DLGAP1: variants seen among roughly 807,000 people sequenced by gnomAD.
The protein encoded by DLGAP1 is DLG associated protein 1.
Under a neutral mutation model 90.8 loss-of-function variants are expected in DLGAP1, and 11 were observed. The ratio of observed to expected loss-of-function variants is 0.12; its 90% CI spans 0.08 to 0.20. The LOEUF (loss-of-function observed/expected upper bound fraction) is 0.20. DLGAP1 is among the 10% of genes least tolerant of loss of function. The pLI, the probability that DLGAP1 is intolerant of heterozygous loss-of-function variation, is 1.00. For missense variants in DLGAP1, 1,050 were observed against 1,333.8 expected, an observed-to-expected ratio of 0.79 and a Z score of 3.31; for synonymous variants, 558 against 540.7, an observed-to-expected ratio of 1.03 and a Z score of -0.44.
chr18:3,587,780 C>T (rs1341352187), intron 7 of DLGAP1, among the ~76,000 whole-genome samples: 3 of 152,070 alleles, frequency 2.0e-5, no homozygotes, highest in African/African-American at 4.8e-5. Context: ...CAAACAACTC[C>T]GCACACACCA....
chr18:3,569,142 C>T (rs926738056), intron 8 of DLGAP1, among the ~76,000 whole-genome samples: 2 of 151,626 alleles, frequency 1.3e-5, no homozygotes, highest in Non-Finnish European at 1.5e-5. Flanking sequence ...GCTGAAATTA[C>T]AGACGCGTGC....
In DLGAP1 at chr18:3,551,182, T is replaced by C. The variant is rs373453412; in HGVS notation, c.2057+16308A>G. Among the ~76,000 whole-genome samples the C allele has an allele frequency of 2.1e-3, 7 of 3,368 alleles. 2 individuals carry two copies. The highest frequency in any genetic ancestry group is 0.023 in the East Asian group (1 of 44). The allele number at this position is 3,368 out of a possible 152,430, so 2.2% of individuals were successfully genotyped here. A position where few individuals can be genotyped will look rare whatever the true frequency, so the allele number is the denominator to read the frequency against. On this transcript the variant is annotated intron_variant, in intron 9 of 12. Transcript: ENST00000315677. ...ACATATATATATATATATATACACA[T>C]ACATATAAATGCTTTTTTTCTGAAA...
chr18:4,297,521 C>T (rs1468516956), intron 1 of DLGAP1, among the ~76,000 whole-genome samples: 1 of 151,970 alleles, frequency 6.6e-6, no homozygotes, highest in Non-Finnish European at 1.5e-5. Context: ...AACAATTGTC[C>T]CTGGTTATTT....
intron 2 of DLGAP1, among the ~76,000 whole-genome samples, chr18:4,067,026 G>A (rs2075379766): frequency 6.6e-6 from 1 of 152,064 alleles, no homozygotes; most frequent in Non-Finnish European, 1.5e-5. Context: ...TCCTTTGCAG[G>A]GACGTGGACG....
intron 11 of DLGAP1, among the ~76,000 whole-genome samples, chr18:3,504,679 C>G (rs980040452): frequency 6.6e-6 from 1 of 152,058 alleles, no homozygotes; most frequent in Non-Finnish European, 1.5e-5. Flanking sequence ...CACTTCGCCC[C>G]GCCAGTGTTT....
chr18:3,736,999 G>A (rs1317152747), intron 6 of DLGAP1, among the ~76,000 whole-genome samples: 13 of 148,086 alleles, frequency 8.8e-5, no homozygotes, highest in Admixed American at 8.2e-4. Flanking sequence ...ACACCTCTAC[G>A]CAAATAAACT....
chr18:4,090,113 A>G (rs1390283283), intron 2 of DLGAP1, among the ~76,000 whole-genome samples: 1 of 152,222 alleles, frequency 6.6e-6, no homozygotes, highest in Non-Finnish European at 1.5e-5. Context: ...TAGATTAAAG[A>G]CTTAAATGTA....
intron 2 of DLGAP1, among the ~76,000 whole-genome samples, chr18:4,006,461 G>A (rs2074302434): frequency 1.3e-5 from 2 of 152,078 alleles, no homozygotes; most frequent in South Asian, 2.1e-4. Context: ...TCTCACCAAC[G>A]AGTATAAAGT....
At chr18:3,628,116 T>G (rs1177678565) in intron 7 of DLGAP1, among the ~76,000 whole-genome samples, 1 of 151,762 alleles carries the variant, frequency 6.6e-6, no homozygotes, top group Non-Finnish European at 1.5e-5. Context: ...CCTCAAGTGG[T>G]CCACCCGCCT....
intron 2 of DLGAP1, among the ~76,000 whole-genome samples, chr18:4,045,465 A>AAAAAAAAAAAAAAAAAAG (rs2075038289): frequency 1.5e-5 from 2 of 130,266 alleles, no homozygotes; most frequent in African/African-American, 5.7e-5. Flanking sequence ...AAAAAAAAAA[A>AAAAAAAAAAAAAAAAAAG]GCTTGCCCCT....
intron 1 of DLGAP1, among the ~76,000 whole-genome samples, chr18:4,244,021 CTTT>C (rs544083035): frequency 3.6e-4 from 55 of 151,600 alleles, no homozygotes; most frequent in African/African-American, 1.2e-3. Context: ...CTTTCTTGCT[CTTT>C]TTTTTTCTGT....
chr18:4,247,935 A>G (rs566370695), intron 1 of DLGAP1, among the ~76,000 whole-genome samples: 10 of 152,272 alleles, frequency 6.6e-5, no homozygotes, highest in African/African-American at 2.2e-4. Context: ...TCAAATTCCC[A>G]CTATCTGAGA....
At chr18:3,533,946 A>G (rs369443821) in intron 10 of DLGAP1, among the ~76,000 whole-genome samples, 7 of 152,128 alleles carry the variant, frequency 4.6e-5, no homozygotes, top group African/African-American at 1.4e-4. Flanking sequence ...TTTCAGAAAG[A>G]AAAAGAACGT....
At chr18:4,204,044 T>C (rs1396369318) in intron 1 of DLGAP1, among the ~76,000 whole-genome samples, 1 of 152,174 alleles carries the variant, frequency 6.6e-6, no homozygotes, top group Non-Finnish European at 1.5e-5. Flanking sequence ...GTCCATAATT[T>C]TAAATCTGGT....
At chr18:3,600,839 T>TATATAGATATATAGATATATATAG (rs1555695550) in intron 7 of DLGAP1, among the ~76,000 whole-genome samples, 1 of 96,178 alleles carries the variant, frequency 1.0e-5, no homozygotes, top group African/African-American at 5.3e-5. Context: ...TATATATAGA[T>TATATAGATATATAGATATATATAG]ATATATAGAT....
intron 7 of DLGAP1, among the ~76,000 whole-genome samples, chr18:3,694,939 G>GT (rs1219198458): frequency 0.072 from 8,993 of 125,222 alleles, 466 homozygotes; most frequent in Non-Finnish European, 0.11. Context: ...TGTTTTTTTT[G>GT]TTTTTTTTTT....
At chr18:3,784,634 C>T (rs756441526) in intron 5 of DLGAP1, among the ~76,000 whole-genome samples, 24 of 152,266 alleles carry the variant, frequency 1.6e-4, no homozygotes, top group Non-Finnish European at 2.6e-4. Flanking sequence ...GCCCGCGATG[C>T]TCCTGGGGTG....
intron 3 of DLGAP1, chr18:3,995,277 T>C (rs1304784124): frequency 2.0e-5 from 3 of 152,166 alleles, no homozygotes; most frequent in Non-Finnish European, 2.9e-5. Context: ...TTAAAATGAC[T>C]GTGCTGCAAA....
intron 2 of DLGAP1, among the ~76,000 whole-genome samples, chr18:4,079,163 C>T (rs1158901845): frequency 6.6e-6 from 1 of 152,032 alleles, no homozygotes; most frequent in African/African-American, 2.4e-5. Flanking sequence ...CCTCATTAGG[C>T]ATATGCTGTC....
Sources: allele counts gnomAD v4.1 joint callset (sites outside exome capture counted in the v4.1 genomes callset), GRCh38; gene constraint gnomAD v4.1.1; transcripts MANE v1.5; gene names NCBI Gene and HGNC (gene_info 2026-07-23, HGNC 2026-07-21).